TAFA1: variants seen among roughly 807,000 people sequenced by gnomAD.
TAFA1 encodes the protein TAFA chemokine like family member 1, also known as chemokine-like protein TAFA-1.
Under a neutral mutation model 18.5 loss-of-function variants are expected in TAFA1, and 4 were observed. That is an observed-to-expected ratio of 0.22 (90% CI 0.11 to 0.49). The LOEUF is 0.49. TAFA1 is among the 20% of genes least tolerant of loss of function. TAFA1 has a pLI of 0.98. For synonymous variants in TAFA1, 56 were observed against 55.2 expected, an observed-to-expected ratio of 1.01 and a Z score of -0.06; for missense variants, 147 against 169.0, an observed-to-expected ratio of 0.87 and a Z score of 0.72.
chr3:68,299,582 A>G (rs944928731), intron 2 of TAFA1, among the ~76,000 whole-genome samples: 4 of 152,246 alleles, frequency 2.6e-5, no homozygotes, highest in Non-Finnish European at 5.9e-5. Flanking sequence ...AGAAATTTGC[A>G]TAAGTAACCA....
chr3:68,526,638 A>G (rs1559706134), intron 3 of TAFA1, among the ~76,000 whole-genome samples: 1 of 152,138 alleles, frequency 6.6e-6, no homozygotes. Flanking sequence ...TCCAGCAAAA[A>G]CTATATTATA....
rs2070328275 is a variant in TAFA1 at position 68,394,194 on chromosome 3, A to G, written c.119-23086A>G. On this transcript the variant is annotated intron_variant, in intron 2 of 4. Transcript: ENST00000478136. ...AGAGCCAAATCATGAGTAAACTCCCATTCACAATTGCTGCAAAGAGAATAA... is the reference window on the plus strand; with the variant it reads ...AGAGCCAAATCATGAGTAAACTCCCGTTCACAATTGCTGCAAAGAGAATAA... 2.6e-5 allele frequency among the ~76,000 whole-genome samples: 4 copies of G among 152,330 alleles called. No homozygotes were observed. The South Asian group carries it at 8.3e-4, about 32-fold the overall frequency.
At chr3:68,303,927 T>C (rs2106653474) in intron 2 of TAFA1, among the ~76,000 whole-genome samples, 1 of 152,328 alleles carries the variant, frequency 6.6e-6, no homozygotes, top group South Asian at 2.1e-4. Context: ...ACTGGAAATA[T>C]ACTCACTAGA....
chr3:68,520,414 A>G (rs1575945942), intron 3 of TAFA1, among the ~76,000 whole-genome samples: 1 of 152,176 alleles, frequency 6.6e-6, no homozygotes, highest in East Asian at 1.9e-4. Flanking sequence ...TTTTCTCCCA[A>G]TTTCTTTCTT....
intron 2 of TAFA1, among the ~76,000 whole-genome samples, chr3:68,356,058 C>G (rs1158699903): frequency 1.3e-5 from 2 of 151,972 alleles, no homozygotes; most frequent in Admixed American, 1.3e-4. Flanking sequence ...GCAATAGCCA[C>G]AAGTGGCTAG....
intron 2 of TAFA1, among the ~76,000 whole-genome samples, chr3:68,151,891 T>C (rs2065811084): frequency 6.6e-6 from 1 of 152,196 alleles, no homozygotes; most frequent in African/African-American, 2.4e-5. Context: ...TCTTATATGC[T>C]ACTGGATTCT....
intron 1 of TAFA1, among the ~76,000 whole-genome samples, chr3:68,005,607 G>A (rs962415778): frequency 6.6e-6 from 1 of 152,168 alleles, no homozygotes; most frequent in Admixed American, 6.5e-5. Context: ...GATTTTTGAA[G>A]GGTATGATTT....
chr3:68,395,529 C>T (rs1010626479), intron 2 of TAFA1, among the ~76,000 whole-genome samples: 6 of 152,252 alleles, frequency 3.9e-5, no homozygotes, highest in African/African-American at 1.4e-4. Flanking sequence ...CAGTACTGTT[C>T]ACAAGAGCAA....
chr3:68,225,869 A>G (rs957800373), intron 2 of TAFA1, among the ~76,000 whole-genome samples: 2 of 140,900 alleles, frequency 1.4e-5, no homozygotes, highest in Non-Finnish European at 3.1e-5. Context: ...TCTCTATCTC[A>G]GGTTTGCTGT....
chr3:68,044,524 G>A (rs752417582), intron 2 of TAFA1, among the ~76,000 whole-genome samples: 1 of 152,142 alleles, frequency 6.6e-6, no homozygotes, highest in African/African-American at 2.4e-5. Context: ...TTTCCCTCTT[G>A]GCTGTTTCAC....
At chr3:68,021,721 T>C (rs961868306) in intron 2 of TAFA1, among the ~76,000 whole-genome samples, 1 of 152,178 alleles carries the variant, frequency 6.6e-6, no homozygotes, top group South Asian at 2.1e-4. Context: ...AAAAAGAAGT[T>C]ATCAGTAGTC....
chr3:68,062,387 A>G (rs977203218), intron 2 of TAFA1, among the ~76,000 whole-genome samples: 1 of 152,204 alleles, frequency 6.6e-6, no homozygotes, highest in Non-Finnish European at 1.5e-5. Flanking sequence ...TGCCACAAAC[A>G]TGGTCAAATA....
intron 2 of TAFA1, among the ~76,000 whole-genome samples, chr3:68,404,323 C>A (rs933324577): frequency 5.9e-5 from 9 of 152,194 alleles, no homozygotes; most frequent in African/African-American, 2.2e-4. Flanking sequence ...GTAGAGACAA[C>A]TTCTTCACAA....
At chr3:68,053,450 A>G (rs1259332204) in intron 2 of TAFA1, among the ~76,000 whole-genome samples, 1 of 152,076 alleles carries the variant, frequency 6.6e-6, no homozygotes, top group Admixed American at 6.6e-5. Context: ...TTCTAGTAGG[A>G]ATGGAAACAA....
At chr3:68,495,277 A>G (rs979323081) in intron 3 of TAFA1, among the ~76,000 whole-genome samples, 2 of 152,238 alleles carry the variant, frequency 1.3e-5, no homozygotes, top group South Asian at 2.1e-4. Flanking sequence ...TAAATATTAT[A>G]TAAAGGAATG....
At chr3:68,184,382 A>G (rs1005440032) in intron 2 of TAFA1, among the ~76,000 whole-genome samples, 3 of 152,140 alleles carry the variant, frequency 2.0e-5, no homozygotes, top group African/African-American at 7.2e-5. Context: ...GAAAATTATT[A>G]GAGTCTGTAT....
intron 2 of TAFA1, among the ~76,000 whole-genome samples, chr3:68,313,247 A>T (rs2068552250): frequency 6.6e-6 from 1 of 152,196 alleles, no homozygotes; most frequent in African/African-American, 2.4e-5. Context: ...AATTAACAGT[A>T]AACAATTACA....
At chr3:68,385,668 A>C (rs1012463078) in intron 2 of TAFA1, among the ~76,000 whole-genome samples, 3 of 152,104 alleles carry the variant, frequency 2.0e-5, no homozygotes, top group Admixed American at 6.6e-5. Flanking sequence ...GTTATTGTTA[A>C]ACATATCTAG....
chr3:68,380,063 C>T (rs1290412858), intron 2 of TAFA1, among the ~76,000 whole-genome samples: 1 of 152,026 alleles, frequency 6.6e-6, no homozygotes, highest in African/African-American at 2.4e-5. Context: ...TGATGGTTTC[C>T]AGTTTCATCC....
Sources: gnomAD v4.1 joint callset for allele counts (sites outside exome capture counted in the v4.1 genomes callset) on GRCh38, gnomAD v4.1.1 for gene constraint, MANE v1.5 for transcripts, NCBI Gene and HGNC (gene_info 2026-07-23, HGNC 2026-07-21) for gene names.